The following FREM2 variants were observed in gnomAD, a reference collection of about 807,000 sequenced individuals.
FREM2 encodes the protein FRAS1-related extracellular matrix protein 2.
In FREM2, 119 loss-of-function variants were observed where a neutral mutation model predicts 219.9. That is an observed-to-expected ratio of 0.54 (90% CI 0.47 to 0.63). The LOEUF (loss-of-function observed/expected upper bound fraction) is 0.63. FREM2 is among the 30% of genes least tolerant of loss of function. The pLI is 0.00. For synonymous variants in FREM2, 1,562 were observed against 1,522.8 expected, an observed-to-expected ratio of 1.03 and a Z score of -0.60; for missense variants, 4,030 against 3,993.6, an observed-to-expected ratio of 1.01 and a Z score of -0.25.
chr13:38,691,927 A>G lies in FREM2; in HGVS notation c.4583A>G (p.Asp1528Gly). The G allele has an allele frequency of 3.1e-6, 5 of 1,614,166 alleles. No homozygotes were observed. The highest frequency in any genetic ancestry group is 4.2e-6 in the Non-Finnish European group (5 of 1,180,030). The change falls in exon 1 of 24, where the codon GAT (aspartate) becomes GGT (glycine). Residue 1528 changes from aspartate (D) to glycine (G), a missense_variant. Asp to Gly is a moderately conservative substitution (Grantham distance 94, BLOSUM62 -1). Transcript: ENST00000280481. ...VFRTFRISIS[D>G]VDNKKPVVTI... ...CGGACATTCCGTATCTCCATTAGCG[A>G]TGTGGACAATAAAAAGCCAGTGGTC...
At chr13:38,693,852 C>A (rs978286171) in intron 1 of FREM2, among the ~76,000 whole-genome samples, 2 of 152,200 alleles carry the variant, frequency 1.3e-5, no homozygotes, top group Non-Finnish European at 2.9e-5. Flanking sequence ...TCTCCCAGGG[C>A]CTGCAGGGAC....
At position 38,796,191 on chromosome 13, in the gene FREM2, T is replaced by A. The variant is rs115689671; in HGVS notation, c.6019+11383T>A. ...ACCCTGGCTACCAGAACTTGAGCCA[T>A]CACTGTTGGAGCTGGATATAGGATA... On this transcript the variant is annotated intron_variant, in intron 6 of 23. Coordinates refer to ENST00000280481, the MANE Select transcript of FREM2 (RefSeq NM_207361.6). Among the ~76,000 whole-genome samples, 647 of 152,212 alleles carry A rather than the reference T, an allele frequency of 4.3e-3. 4 individuals carry two copies. The Middle Eastern group carries it at 0.048, about 11-fold the overall frequency.
intron 5 of FREM2, among the ~76,000 whole-genome samples, chr13:38,783,695 A>G (rs778265648): frequency 6.6e-6 from 1 of 152,240 alleles, no homozygotes; most frequent in Non-Finnish European, 1.5e-5. Flanking sequence ...TAGATTTTCT[A>G]AAAATGCAAA....
chr13:38,740,932 G>A (rs1221369943), intron 2 of FREM2, among the ~76,000 whole-genome samples: 1 of 152,102 alleles, frequency 6.6e-6, no homozygotes, highest in African/African-American at 2.4e-5. Flanking sequence ...TGAAAGCAAA[G>A]AATAAGTTTG....
intron 4 of FREM2, among the ~76,000 whole-genome samples, chr13:38,774,354 G>A (rs535950715): frequency 6.6e-6 from 1 of 152,148 alleles, no homozygotes; most frequent in Non-Finnish European, 1.5e-5. Flanking sequence ...TCTATGCCAG[G>A]AATGCTGCTA....
At chr13:38,799,342 T>C (rs1874920375) in intron 6 of FREM2, among the ~76,000 whole-genome samples, 1 of 152,020 alleles carries the variant, frequency 6.6e-6, no homozygotes, top group Non-Finnish European at 1.5e-5. Context: ...ATAAAATTTT[T>C]CTTTTAAAAA....
chr13:38,778,729 G>A (rs146226845), intron 4 of FREM2, among the ~76,000 whole-genome samples: 1 of 152,136 alleles, frequency 6.6e-6, no homozygotes, highest in East Asian at 1.9e-4. Flanking sequence ...AATAATCTGT[G>A]CAGCAAGCCA....
chr13:38,739,589 A>G lies in FREM2; in HGVS notation c.5264-24715A>G, dbSNP rs113520810. Among the ~76,000 whole-genome samples the G allele has an allele frequency of 5.6e-3, 852 of 152,202 alleles. 11 individuals carry two copies. Among genetic ancestry groups the G allele is most frequent in the African/African-American group, 0.02 (813 of 41,538 alleles). On this transcript the variant is annotated intron_variant, in intron 2 of 23. Transcript: ENST00000280481. Reference sequence around the variant, plus strand: ...GCTCACCCTGATCATCCTTCTCTCTAAGACTCAACCAAACTCCCAAATTTT... The same window carrying G: ...GCTCACCCTGATCATCCTTCTCTCTGAGACTCAACCAAACTCCCAAATTTT...
chr13:38,697,466 A>G (rs1018177409), intron 1 of FREM2, among the ~76,000 whole-genome samples: 4 of 152,198 alleles, frequency 2.6e-5, no homozygotes, highest in Non-Finnish European at 5.9e-5. Context: ...CCTTGCTATT[A>G]TTATAAACTA....
chr13:38,848,813 T>A (rs1391423718), intron 8 of FREM2, 143 bp downstream of exon 8: 2 of 750,702 alleles, frequency 2.7e-6, no homozygotes, highest in Admixed American at 5.4e-5. Flanking sequence ...CGGGGTGGCT[T>A]AAATAACAGA....
At chr13:38,733,635 A>C (rs1413647884) in intron 2 of FREM2, among the ~76,000 whole-genome samples, 1 of 152,154 alleles carries the variant, frequency 6.6e-6, no homozygotes, top group Non-Finnish European at 1.5e-5. Flanking sequence ...TACAGCAAGC[A>C]GATCAAATTC....
chr13:38,796,895 T>C (rs1440441142), intron 6 of FREM2, among the ~76,000 whole-genome samples: 1 of 152,144 alleles, frequency 6.6e-6, no homozygotes, highest in Non-Finnish European at 1.5e-5. Flanking sequence ...TGTTTTGTTT[T>C]TTTGAGGCAG....
At chr13:38,809,305 C>CT (rs896082025) in intron 6 of FREM2, among the ~76,000 whole-genome samples, 23 of 145,314 alleles carry the variant, frequency 1.6e-4, no homozygotes, top group South Asian at 4.4e-4. Flanking sequence ...TTTAAATTTT[C>CT]TTTTTTTTTT....
intron 6 of FREM2, among the ~76,000 whole-genome samples, chr13:38,792,760 C>G (rs983708160): frequency 8.7e-6 from 1 of 114,632 alleles, no homozygotes; most frequent in Non-Finnish European, 2.0e-5. Context: ...ATGCAAAGCA[C>G]TTTGATTTGG....
chr13:38,814,647 C>A (rs1875688311), intron 6 of FREM2, among the ~76,000 whole-genome samples: 1 of 152,182 alleles, frequency 6.6e-6, no homozygotes, highest in South Asian at 2.1e-4. Context: ...CCCTTCACTT[C>A]AGAATGGCAA....
Position 38,690,158 on chromosome 13 carries a change from T to C in FREM2, c.2814T>C (p.Asp938=). The C allele has an allele frequency of 6.2e-7, 1 of 1,614,122 alleles. No homozygotes were observed. The change falls in exon 1 of 24, where the codon GAT becomes GAC. Residue 938 remains aspartate, a synonymous_variant. Transcript: ENST00000280481. ...TLRVNVRPVD[D]EVPILSHPTG... The stretch of plus-strand genomic sequence containing the variant: ...GAGTAAATGTCCGGCCAGTGGATGA[T>C]GAAGTGCCCATACTGAGCCATCCTA...
intron 6 of FREM2, 67 bp from the exon 7 acceptor site, chr13:38,846,506 C>A: frequency 6.6e-7 from 1 of 1,512,798 alleles, no homozygotes; most frequent in Non-Finnish European, 9.1e-7. Context: ...TCTTTGGAAG[C>A]ATGTCAATAG....
rs1016907806 is a variant in FREM2 at position 38,708,447 on chromosome 13, G to A, written c.5263+10660G>A. 2.6e-5 allele frequency among the ~76,000 whole-genome samples: 4 copies of A among 152,060 alleles called. No homozygotes were observed. The South Asian group carries it at 8.3e-4, about 32-fold the overall frequency. ...GGAGGGCAGATCACTTGAGGTCAGG[G>A]GTTCGAGACCAGCCTGGACAACATG... On this transcript the variant is annotated intron_variant, in intron 2 of 23. Transcript: ENST00000280481.
chr13:38,745,484 G>A (rs549916066), intron 2 of FREM2, among the ~76,000 whole-genome samples: 1 of 152,222 alleles, frequency 6.6e-6, no homozygotes, highest in African/African-American at 2.4e-5. Context: ...AAGATAAAGA[G>A]CTGCTATTTA....
Sources: gnomAD v4.1 joint callset for allele counts (sites outside exome capture counted in the v4.1 genomes callset) on GRCh38, gnomAD v4.1.1 for gene constraint, MANE v1.5 for transcripts, NCBI Gene and HGNC (gene_info 2026-07-23, HGNC 2026-07-21) for gene names.